GRM8: variants seen among roughly 807,000 people sequenced by gnomAD.
The protein encoded by GRM8 is glutamate metabotropic receptor 8.
GRM8 carries 47 observed loss-of-function variants against 87.2 expected under a neutral mutation model. The ratio of observed to expected loss-of-function variants is 0.54; its 90% CI spans 0.43 to 0.69. The LOEUF (loss-of-function observed/expected upper bound fraction) is 0.69, where lower values mean the gene tolerates loss of function less well. GRM8 is among the 30% of genes least tolerant of loss of function. The pLI is 0.00. For missense variants in GRM8, 1,019 were observed against 1,139.2 expected (o/e 0.89, Z 1.52); for synonymous variants, 396 against 404.5 (o/e 0.98, Z 0.25).
chr7:126,630,640 T>C (rs1181126612), intron 7 of GRM8, among the ~76,000 whole-genome samples: 1 of 152,054 alleles, frequency 6.6e-6, no homozygotes, highest in Non-Finnish European at 1.5e-5. Flanking sequence ...AACAAAATAC[T>C]AGCAAACTGA....
At chr7:126,783,758 G>C (rs1257246610) in intron 6 of GRM8, among the ~76,000 whole-genome samples, 1 of 152,104 alleles carries the variant, frequency 6.6e-6, no homozygotes, top group Non-Finnish European at 1.5e-5. Flanking sequence ...TTCCATAATA[G>C]AGGAAATAGA....
intron 7 of GRM8, among the ~76,000 whole-genome samples, chr7:126,704,417 G>C (rs556565900): frequency 6.6e-6 from 1 of 152,222 alleles, no homozygotes; most frequent in Non-Finnish European, 1.5e-5. Flanking sequence ...ACAAATTGTA[G>C]AGCATGTGTG....
At chr7:126,501,023 T>C (rs1284235469) in intron 9 of GRM8, among the ~76,000 whole-genome samples, 1 of 152,034 alleles carries the variant, frequency 6.6e-6, no homozygotes, top group Non-Finnish European at 1.5e-5. Flanking sequence ...TTTTTAGTGC[T>C]TTCTAAAATG....
intron 7 of GRM8, among the ~76,000 whole-genome samples, chr7:126,749,532 A>G (rs543235832): frequency 7.2e-4 from 108 of 150,596 alleles, no homozygotes; most frequent in African/African-American, 2.4e-3. Flanking sequence ...TGTTAAATAT[A>G]TAAACAAATA....
intron 2 of GRM8, among the ~76,000 whole-genome samples, chr7:127,109,044 A>G (rs1826087615): frequency 1.3e-5 from 2 of 152,152 alleles, no homozygotes; most frequent in Admixed American, 1.3e-4. Flanking sequence ...TTTCTGTCCC[A>G]GCATCCCCAG....
At chr7:127,167,803 C>T (rs1005614634) in intron 2 of GRM8, among the ~76,000 whole-genome samples, 6 of 152,046 alleles carry the variant, frequency 3.9e-5, no homozygotes, top group Admixed American at 1.3e-4. Flanking sequence ...TAAAATTAGG[C>T]CAATTAGTAA....
intron 2 of GRM8, among the ~76,000 whole-genome samples, chr7:127,127,967 C>T (rs967611992): frequency 6.6e-6 from 1 of 152,012 alleles, no homozygotes; most frequent in Non-Finnish European, 1.5e-5. Context: ...CAAAATATCT[C>T]GGCGTCTTGA....
chr7:126,663,223 A>G (rs1805397003), intron 7 of GRM8, among the ~76,000 whole-genome samples: 1 of 152,228 alleles, frequency 6.6e-6, no homozygotes, highest in Admixed American at 6.5e-5. Context: ...ACAAAGAAGA[A>G]CTGGTACCAA....
At position 127,149,033 on chromosome 7, in the gene GRM8, A is replaced by G. The variant is rs993954223; in HGVS notation, c.511-42321T>C. 3.4e-4 allele frequency among the ~76,000 whole-genome samples: 52 copies of G among 152,040 alleles called. 1 individual carries two copies. The highest frequency in any genetic ancestry group is 1.2e-3 in the African/African-American group (51 of 41,452). On this transcript the variant is annotated intron_variant, in intron 2 of 10. Transcript: ENST00000339582. ...GACATTGGCCTTGATGACTTTTTGGATATCACATGAAAAGGTCAGGCCACA... is the reference window on the plus strand; with the variant it reads ...GACATTGGCCTTGATGACTTTTTGGGTATCACATGAAAAGGTCAGGCCACA...
intron 7 of GRM8, among the ~76,000 whole-genome samples, chr7:126,759,355 T>C (rs1817349338): frequency 6.6e-6 from 1 of 151,956 alleles, no homozygotes; most frequent in African/African-American, 2.4e-5. Context: ...TAATTATCCC[T>C]AATAACATGG....
chr7:126,783,783 C>T (rs1820347086), intron 6 of GRM8, among the ~76,000 whole-genome samples: 1 of 152,140 alleles, frequency 6.6e-6, no homozygotes, highest in African/African-American at 2.4e-5. Flanking sequence ...CTGAGACTAA[C>T]TATATTAGAC....
At chr7:127,002,008 C>T (rs952270836) in intron 3 of GRM8, among the ~76,000 whole-genome samples, 2 of 151,640 alleles carry the variant, frequency 1.3e-5, no homozygotes, top group Non-Finnish European at 3.0e-5. Context: ...TGACAGAGCA[C>T]ACATCATTGA....
intron 3 of GRM8, among the ~76,000 whole-genome samples, chr7:127,004,892 A>G (rs1404300084): frequency 1.3e-5 from 2 of 151,724 alleles, no homozygotes; most frequent in African/African-American, 4.8e-5. Context: ...GAAGGAAAGA[A>G]AGGGATGAAG....
chr7:126,957,756 T>C (rs1023960459), intron 3 of GRM8, among the ~76,000 whole-genome samples: 6 of 152,068 alleles, frequency 3.9e-5, no homozygotes, highest in African/African-American at 1.4e-4. Context: ...CCCCTCGGCA[T>C]GAATAGCCTG....
chr7:126,697,926 C>T (rs928836308), intron 7 of GRM8, among the ~76,000 whole-genome samples: 2 of 152,124 alleles, frequency 1.3e-5, no homozygotes, highest in African/African-American at 4.8e-5. Context: ...AATTTTTGCA[C>T]AAAACAGTTC....
At chr7:126,950,811 T>C (rs560053381) in intron 3 of GRM8, among the ~76,000 whole-genome samples, 94 of 152,268 alleles carry the variant, frequency 6.2e-4, no homozygotes, top group Middle Eastern at 3.4e-3. Context: ...ACTAGTAAGT[T>C]GTAAAAGTCA....
At chr7:126,794,840 A>G (rs1041503556) in intron 6 of GRM8, among the ~76,000 whole-genome samples, 14 of 152,124 alleles carry the variant, frequency 9.2e-5, no homozygotes, top group African/African-American at 2.9e-4. Context: ...ATTTCTGGTG[A>G]TTCCTGCGCA....
At chr7:126,552,115 T>TC (rs1239625217) in intron 8 of GRM8, among the ~76,000 whole-genome samples, 1 of 152,150 alleles carries the variant, frequency 6.6e-6, no homozygotes, top group Non-Finnish European at 1.5e-5. Flanking sequence ...TACTATTTCT[T>TC]CAAGAATTAT....
chr7:127,153,994 T>G (rs2116134775), intron 2 of GRM8, among the ~76,000 whole-genome samples: 1 of 152,042 alleles, frequency 6.6e-6, no homozygotes, highest in Non-Finnish European at 1.5e-5. Flanking sequence ...GCACGGGTGG[T>G]GAGTATGAGA....
Sources: gnomAD v4.1 joint callset for allele counts (sites outside exome capture counted in the v4.1 genomes callset) on GRCh38, gnomAD v4.1.1 for gene constraint, MANE v1.5 for transcripts, NCBI Gene and HGNC (gene_info 2026-07-23, HGNC 2026-07-21) for gene names.